CHLSN: variants seen among roughly 807,000 people sequenced by gnomAD.
CHLSN encodes the protein protein cholesin.
the CHLSN span, among the ~76,000 whole-genome samples, chr7:1,106,139 C>T: frequency 1.3e-5 from 2 of 152,312 alleles, no homozygotes; most frequent in African/African-American, 2.4e-5. Context: ...AGCTTCTACC[C>T]GCTGCTCACC....
the CHLSN span, chr7:988,396 G>A: frequency 6.2e-7 from 1 of 1,612,680 alleles, no homozygotes; most frequent in African/African-American, 1.3e-5. Context: ...TGAAGCGGGA[G>A]GCCTTCCTGC....
At chr7:1,004,303 C>A in the CHLSN span, among the ~76,000 whole-genome samples, 6 of 152,144 alleles carry the variant, frequency 3.9e-5, no homozygotes, top group African/African-American at 1.2e-4. Context: ...CTCAGCTCTG[C>A]CACTTTCTAA....
the CHLSN span, among the ~76,000 whole-genome samples, chr7:1,065,462 G>T: frequency 6.6e-6 from 1 of 152,260 alleles, no homozygotes; most frequent in Non-Finnish European, 1.5e-5. Context: ...CCTGCGCATC[G>T]AAGGAATGCT....
At chr7:992,407 C>T in the CHLSN span, among the ~76,000 whole-genome samples, 1 of 152,242 alleles carries the variant, frequency 6.6e-6, no homozygotes, top group Non-Finnish European at 1.5e-5. Context: ...ACAGTAAGCT[C>T]GGAGGGTGAG....
At chr7:1,066,392 A>T in the CHLSN span, among the ~76,000 whole-genome samples, 1 of 152,216 alleles carries the variant, frequency 6.6e-6, no homozygotes, top group Non-Finnish European at 1.5e-5. Context: ...CACAGATGCC[A>T]GCTCCGGGCC....
At chr7:985,285 G>C in the CHLSN span, 1 of 1,551,644 alleles carries the variant, frequency 6.4e-7, no homozygotes, top group South Asian at 1.2e-5. Context: ...GGGTCTCATC[G>C]ATGAGGTCAT....
the CHLSN span, among the ~76,000 whole-genome samples, chr7:1,040,087 G>C: frequency 7.2e-6 from 1 of 138,276 alleles, no homozygotes; most frequent in East Asian, 2.0e-4. Flanking sequence ...TTGTTCACTT[G>C]TTTATCTGCT....
At chr7:1,045,148 C>T in the CHLSN span, among the ~76,000 whole-genome samples, 1 of 152,230 alleles carries the variant, frequency 6.6e-6, no homozygotes, top group Non-Finnish European at 1.5e-5. Flanking sequence ...AGGCAGTGCT[C>T]TCCAGCCGCC....
the CHLSN span, among the ~76,000 whole-genome samples, chr7:1,033,299 T>G: frequency 5.3e-5 from 8 of 152,232 alleles, no homozygotes; most frequent in Non-Finnish European, 1.0e-4. Context: ...GGCTCACGCC[T>G]GTGATCCCAG....
chr7:1,010,155 G>A, the CHLSN span: 3 of 1,604,592 alleles, frequency 1.9e-6, no homozygotes, highest in Non-Finnish European at 2.5e-6. Flanking sequence ...TGAAAGTCAA[G>A]GAACACATTA....
At chr7:1,117,480 G>C in the CHLSN span, among the ~76,000 whole-genome samples, 76 of 131,128 alleles carry the variant, frequency 5.8e-4, no homozygotes, top group African/African-American at 2.4e-3. Context: ...GCAGTTCTAC[G>C]GACCGGCTTC....
the CHLSN span, among the ~76,000 whole-genome samples, chr7:1,070,709 AACACGC>A: frequency 6.4e-5 from 7 of 109,192 alleles, no homozygotes; most frequent in African/African-American, 1.0e-4. Flanking sequence ...CGAGCACATG[AACACGC>A]ACACGCGCAC....
the CHLSN span, among the ~76,000 whole-genome samples, chr7:1,117,608 C>T: frequency 1.2e-4 from 16 of 134,862 alleles, no homozygotes; most frequent in Admixed American, 1.0e-3. Flanking sequence ...CTTCCATCAC[C>T]GACGCTCACG....
At chr7:1,106,998 C>T in the CHLSN span, among the ~76,000 whole-genome samples, 5 of 152,190 alleles carry the variant, frequency 3.3e-5, no homozygotes, top group African/African-American at 7.2e-5. Context: ...CACGGGGAAG[C>T]GCAGCCCTGC....
chr7:1,077,088 G>A, the CHLSN span, among the ~76,000 whole-genome samples: 3 of 152,258 alleles, frequency 2.0e-5, no homozygotes, highest in East Asian at 3.8e-4. Flanking sequence ...CGAGGAAGGC[G>A]CTCTTGGGCT....
At chr7:982,364 C>T in the CHLSN span, among the ~76,000 whole-genome samples, 5 of 152,232 alleles carry the variant, frequency 3.3e-5, no homozygotes, top group African/African-American at 1.2e-4. Context: ...GGGAGGGTCC[C>T]GCCTGCTGGC....
the CHLSN span, chr7:1,045,523 T>G: frequency 9.2e-5 from 14 of 152,242 alleles, no homozygotes; most frequent in African/African-American, 3.4e-4. Flanking sequence ...CAAACTTGTA[T>G]GAGTAAAATG....
At chr7:1,048,730 G>A in the CHLSN span, among the ~76,000 whole-genome samples, 1 of 152,198 alleles carries the variant, frequency 6.6e-6, no homozygotes, top group African/African-American at 2.4e-5. Flanking sequence ...CAGCTAGCCT[G>A]ACGGGGTCCT....
the CHLSN span, chr7:984,306 TTTTCCCTCTGTCCCCAC>T: frequency 7.1e-7 from 1 of 1,404,856 alleles, no homozygotes; most frequent in Admixed American, 2.6e-5. Flanking sequence ...CCTGCCCCCA[TTTTCCCTCTGTCCCCAC>T]CCCTACCCAG....
Sources: allele counts gnomAD v4.1 joint callset (sites outside exome capture counted in the v4.1 genomes callset), GRCh38; gene constraint gnomAD v4.1.1; transcripts MANE v1.5; gene names NCBI Gene and HGNC (gene_info 2026-07-23, HGNC 2026-07-21).